The following UGT1A10 variants were observed in gnomAD, a reference collection of about 807,000 sequenced individuals.
UGT1A10 encodes UDP glucuronosyltransferase family 1 member A10.
UGT1A10 carries 49 observed loss-of-function variants against 45.8 expected under a neutral mutation model. That is an observed-to-expected ratio of 1.07 (90% CI 0.85 to 1.36). The LOEUF (loss-of-function observed/expected upper bound fraction) is 1.36. Among genes scored for constraint, UGT1A10 ranks in the 40% most tolerant of loss-of-function variants. The pLI is 0.00. For synonymous variants in UGT1A10, 284 were observed against 249.7 expected (o/e 1.14, Z -1.29); for missense variants, 745 against 668.6 (o/e 1.11, Z -1.26).
chr2:233,692,052 T>G (rs1388917886), intron 1 of UGT1A10: 1 of 152,078 alleles, frequency 6.6e-6, no homozygotes, highest in Non-Finnish European at 1.5e-5. Flanking sequence ...ACCCTTGCGA[T>G]TAGAGGGAAG....
intron 1 of UGT1A10, chr2:233,672,613 GC>G (rs1302383027): frequency 6.2e-7 from 1 of 1,613,606 alleles, no homozygotes. Context: ...TTTCAAAAAT[GC>G]CCTAGAAATA....
At chr2:233,695,346 A>G (rs1429075001) in intron 1 of UGT1A10, among the ~76,000 whole-genome samples, 2 of 151,402 alleles carry the variant, frequency 1.3e-5, no homozygotes, top group African/African-American at 4.8e-5. Context: ...GGATGGTCTC[A>G]ATCTCTTGAC....
intron 1 of UGT1A10, among the ~76,000 whole-genome samples, chr2:233,667,111 C>T (rs1357939298): frequency 3.9e-5 from 6 of 152,104 alleles, no homozygotes; most frequent in Non-Finnish European, 7.3e-5. Flanking sequence ...AATAAACATA[C>T]GTGTGCATGT....
At chr2:233,656,476 T>C (rs1350213074) in intron 1 of UGT1A10, among the ~76,000 whole-genome samples, 4 of 152,230 alleles carry the variant, frequency 2.6e-5, no homozygotes, top group Non-Finnish European at 5.9e-5. Flanking sequence ...TGTTTTTCTC[T>C]AGACCTGTGC....
chr2:233,699,621 C>A (rs1403049874), intron 1 of UGT1A10, among the ~76,000 whole-genome samples: 1 of 152,202 alleles, frequency 6.6e-6, no homozygotes, highest in Non-Finnish European at 1.5e-5. Context: ...GAATAGAATG[C>A]AAGCTCAGGC....
chr2:233,700,655 T>G (rs1207432323), intron 1 of UGT1A10, among the ~76,000 whole-genome samples: 1 of 152,198 alleles, frequency 6.6e-6, no homozygotes, highest in African/African-American at 2.4e-5. Flanking sequence ...TTTACATATT[T>G]CTACTTTTCA....
In UGT1A10 at chr2:233,636,511, T is replaced by G; in HGVS notation, c.-12T>G. Reference sequence around the variant, plus strand: ...TAGAATCCCAGCTGCTGGCTCGGGCTGCAGTTCTCTCATGGCTCGCGCAGG... The same window carrying G: ...TAGAATCCCAGCTGCTGGCTCGGGCGGCAGTTCTCTCATGGCTCGCGCAGG... On this transcript the variant is annotated 5_prime_UTR_variant, in exon 1 of 5. Coordinates refer to ENST00000344644, the MANE Select transcript of UGT1A10 (RefSeq NM_019075.4). 6.2e-7 allele frequency: 1 copy of G among 1,607,278 alleles called. No homozygotes were observed. Among genetic ancestry groups the G allele is most frequent in the Non-Finnish European group, 8.5e-7 (1 of 1,175,622 alleles).
chr2:233,725,324 T>TAACAA lies in UGT1A10; in HGVS notation c.856-41710_856-41709insAACAA, dbSNP rs1473131454. Among the ~76,000 whole-genome samples, 2 of 93,548 alleles carry TAACAA rather than the reference T, an allele frequency of 2.1e-5. 1 individual carries two copies. Among genetic ancestry groups the TAACAA allele is most frequent in the Non-Finnish European group, 4.5e-5 (2 of 44,118 alleles). 61.4% of individuals were successfully genotyped at this position (93,548 alleles called of 152,430 possible). A position where few individuals can be genotyped will look rare whatever the true frequency, so the allele number is the denominator to read the frequency against. ...CAGAGGCAGAGGCAGAGGCGCCTGG[T>TAACAA]CAACAATCTTAAGTCCAATAAGAAT... On this transcript the variant is annotated intron_variant, in intron 1 of 4. Coordinates refer to ENST00000344644, the MANE Select transcript of UGT1A10 (RefSeq NM_019075.4).
At chr2:233,762,775 C>T (rs1417742267) in intron 1 of UGT1A10, among the ~76,000 whole-genome samples, 1 of 151,182 alleles carries the variant, frequency 6.6e-6, no homozygotes, top group African/African-American at 2.4e-5. Context: ...CTATCTCTAG[C>T]TGATTATCTA....
chr2:233,756,979 A>C (rs1394621821), intron 1 of UGT1A10, among the ~76,000 whole-genome samples: 3 of 152,152 alleles, frequency 2.0e-5, no homozygotes. Flanking sequence ...CGCAATGAAC[A>C]GTCATAGTAA....
chr2:233,656,608 T>G (rs11893247), intron 1 of UGT1A10, among the ~76,000 whole-genome samples: 16,162 of 152,226 alleles, frequency 0.11, 997 homozygotes, highest in African/African-American at 0.18. Flanking sequence ...TGTGTAGTTT[T>G]GTATCTGATT....
At chr2:233,734,623 T>A (rs2078542439) in intron 1 of UGT1A10, among the ~76,000 whole-genome samples, 1 of 152,236 alleles carries the variant, frequency 6.6e-6, no homozygotes, top group African/African-American at 2.4e-5. Flanking sequence ...TGATTTTAGA[T>A]CTTTCCTGCT....
At chr2:233,718,654 G>A in intron 1 of UGT1A10, 1 of 1,516,140 alleles carries the variant, frequency 6.6e-7, no homozygotes, top group African/African-American at 1.4e-5. Context: ...CATAACGAAA[G>A]GCAGTTATAG....
rs142057126 is a variant in UGT1A10, at chr2:233,637,180, T to C, written c.658T>C (p.Cys220Arg). The C allele has an allele frequency of 3.7e-4, 599 of 1,613,986 alleles. 5 individuals are homozygous for C. The South Asian group carries it at 3.8e-3, about 10-fold the overall frequency. Residue 220 changes from cysteine to arginine, a missense_variant, in exon 1 of 5, where the codon TGC (cysteine) becomes CGC (arginine). Cys to Arg is a radical substitution (Grantham distance 180). Transcript: ENST00000344644. The stretch of plus-strand genomic sequence containing the variant: ...CGTGCACTTGGAGGACCATTTATTT[T>C]GCCAGTATCTTTTTAGAAATGCCCT... ...HIVHLEDHLFCQYLFRNALEI... is the reference protein window; with the variant it reads ...HIVHLEDHLFRQYLFRNALEI...
Position 233,722,831 on chromosome 2 carries a change from TAATAAG to T in UGT1A10, c.856-44199_856-44194del, listed in dbSNP as rs774819314. On this transcript the variant is annotated intron_variant, in intron 1 of 4. Coordinates refer to ENST00000344644, the MANE Select transcript of UGT1A10 (RefSeq NM_019075.4). ...TATTTTTTCAAGTTATTTTGTATTA[TAATAAG>T]AATGTTTCTTTTTTTTTTTTTTGAA... Among the ~76,000 whole-genome samples the T allele has an allele frequency of 7.7e-4, 116 of 149,718 alleles. 2 individuals are homozygous for T. The highest frequency in any genetic ancestry group is 2.2e-3 in the Admixed American group (33 of 14,992).
At chr2:233,670,965 T>C (rs935243748) in intron 1 of UGT1A10, among the ~76,000 whole-genome samples, 3 of 152,202 alleles carry the variant, frequency 2.0e-5, no homozygotes, top group Non-Finnish European at 4.4e-5. Context: ...CTTTAAGGCT[T>C]GGAGGCTAGC....
chr2:233,758,756 G>A (rs1321245048), intron 1 of UGT1A10, among the ~76,000 whole-genome samples: 1 of 152,198 alleles, frequency 6.6e-6, no homozygotes, highest in Non-Finnish European at 1.5e-5. Context: ...GGCCAGTGAT[G>A]TGTATGGTTC....
intron 1 of UGT1A10, among the ~76,000 whole-genome samples, chr2:233,665,904 T>A (rs2074067734): frequency 6.6e-6 from 1 of 152,206 alleles, no homozygotes; most frequent in Non-Finnish European, 1.5e-5. Context: ...TCCCACCACC[T>A]GCATATGAGA....
intron 1 of UGT1A10, chr2:233,672,478 C>T: frequency 6.2e-7 from 1 of 1,613,968 alleles, no homozygotes; most frequent in African/African-American, 1.3e-5. Flanking sequence ...AGAAGGTGCA[C>T]AGTGCCCTGC....
Sources: gnomAD v4.1 joint callset for allele counts (sites outside exome capture counted in the v4.1 genomes callset) on GRCh38, gnomAD v4.1.1 for gene constraint, MANE v1.5 for transcripts, NCBI Gene and HGNC (gene_info 2026-07-23, HGNC 2026-07-21) for gene names.